Variants in MAP3K7 observed in about 807,000 individuals in gnomAD.
The protein encoded by MAP3K7 is TGF-beta activated kinase 1.
Under a neutral mutation model 84.8 loss-of-function variants are expected in MAP3K7, and 21 were observed. The ratio of observed to expected loss-of-function variants is 0.25; its 90% confidence interval spans 0.18 to 0.36. The LOEUF (loss-of-function observed/expected upper bound fraction) is 0.36. MAP3K7 is among the 10% of genes least tolerant of loss of function. The probability of loss-of-function intolerance (pLI) is 1.00; values close to 1 mark genes in which losing one functional copy is unlikely to be tolerated. For missense variants in MAP3K7, 503 were observed against 747.7 expected (o/e 0.67, Z 3.82); for synonymous variants, 241 against 247.7 (o/e 0.97, Z 0.25).
At chr6:90,553,430 C>T (rs751416349) in intron 7 of MAP3K7, 28 bp downstream of exon 7, 1 of 1,600,536 alleles carries the variant, frequency 6.2e-7, no homozygotes, top group Admixed American at 1.8e-5. Flanking sequence ...ACAAAAAGTA[C>T]TTTTAAGAAA....
intron 8 of MAP3K7, 89 bp downstream of exon 8, chr6:90,551,960 T>C (rs1776191955): frequency 7.1e-7 from 1 of 1,401,086 alleles, no homozygotes; most frequent in Non-Finnish European, 9.7e-7. Flanking sequence ...AAGCAGAATA[T>C]AGTAATAACA....
Position 90,586,935 on chromosome 6 carries a change from G to C in MAP3K7, c.-52C>G, listed in dbSNP as rs1203698861. 3 of 1,529,270 alleles carry C rather than the reference G, an allele frequency of 2.0e-6. No homozygotes were observed. The highest frequency in any genetic ancestry group is 2.2e-5 in the Admixed American group (1 of 45,098). 94.7% of individuals were successfully genotyped at this position (1,529,270 alleles called of 1,614,324 possible). A position where few individuals can be genotyped will look rare whatever the true frequency, so the allele number is the denominator to read the frequency against. ...GGGAACGGTGCCACCCGGACAATCC[G>C]GGTGAGACCCGCGCCCACCCGCCTC... is the stretch of plus-strand genomic sequence containing the variant. On this transcript the variant is annotated 5_prime_UTR_variant, in exon 1 of 17. Transcript: ENST00000369329.
intron 6 of MAP3K7, 110 bp from the exon 7 acceptor site, chr6:90,553,696 C>T (rs1776250735): frequency 1.2e-6 from 1 of 842,444 alleles, no homozygotes; most frequent in Non-Finnish European, 1.9e-6. Context: ...ATGAGGCTGT[C>T]ACATGTAGAA....
intron 1 of MAP3K7, among the ~76,000 whole-genome samples, chr6:90,575,227 G>A (rs1015441447): frequency 1.3e-5 from 2 of 152,112 alleles, no homozygotes; most frequent in African/African-American, 2.4e-5. Flanking sequence ...ATGAAAGTGC[G>A]GTAGAGAAGA....
At chr6:90,550,685 T>C in intron 8 of MAP3K7, 136 bp from the exon 9 acceptor site, 1 of 550,884 alleles carries the variant, frequency 1.8e-6, no homozygotes, top group Admixed American at 3.4e-5. Flanking sequence ...ATTACAATAA[T>C]GTACTCTTGG....
In MAP3K7 at chr6:90,547,322, G is replaced by A; in HGVS notation, c.1146C>T (p.Thr382=). The A allele has an allele frequency of 6.2e-7, 1 of 1,612,560 alleles. No homozygotes were observed. Among genetic ancestry groups the A allele is most frequent in the Non-Finnish European group, 8.5e-7 (1 of 1,179,280 alleles). The change falls in exon 11 of 17, where the codon ACC becomes ACT. Residue 382 remains threonine (T), a synonymous_variant. Transcript: ENST00000369329. ...RGSSVESLPP[T]SEGKRMSADM... Reference sequence around the variant, plus strand: ...CAGCACTCATCCTCTTGCCCTCAGAGGTTGGGGGCAAGCTCTCCACACTGC... The same window carrying A: ...CAGCACTCATCCTCTTGCCCTCAGAAGTTGGGGGCAAGCTCTCCACACTGC...
rs77563302 is a variant in MAP3K7, at chr6:90,560,223, G to C, written c.344-9C>G. On this transcript the variant is annotated splice_polypyrimidine_tract_variant and intron_variant, in intron 4 of 16. Coordinates refer to ENST00000369329, the MANE Select transcript of MAP3K7 (RefSeq NM_145331.3). ...TTCAGCACCATGCAGCACTGCGAAA[G>C]AAAGGCACAAACTAAAAAGAACTTT... 878 of 1,613,752 alleles carry C rather than the reference G, an allele frequency of 5.4e-4. 6 individuals are homozygous for C. In the African/African-American group the frequency reaches 0.01, roughly 19 times the overall value.
At chr6:90,549,363 A>G (rs969471908) in intron 9 of MAP3K7, among the ~76,000 whole-genome samples, 1 of 152,172 alleles carries the variant, frequency 6.6e-6, no homozygotes, top group African/African-American at 2.4e-5. Context: ...ATGAACTACA[A>G]TACAGTACAA....
intron 13 of MAP3K7, among the ~76,000 whole-genome samples, chr6:90,533,645 G>A (rs1004921650): frequency 1.3e-5 from 2 of 152,176 alleles, no homozygotes; most frequent in Non-Finnish European, 2.9e-5. Flanking sequence ...TTTTGTCTGT[G>A]CTTAGAAAAC....
intron 3 of MAP3K7, among the ~76,000 whole-genome samples, chr6:90,567,757 T>C (rs1776758460): frequency 6.6e-6 from 1 of 152,212 alleles, no homozygotes; most frequent in South Asian, 2.1e-4. Flanking sequence ...TAAAGACACA[T>C]GGACACGTAT....
chr6:90,518,343 T>C, intron 16 of MAP3K7, 104 bp downstream of exon 16: 1 of 653,084 alleles, frequency 1.5e-6, no homozygotes, highest in South Asian at 2.1e-5. Flanking sequence ...GTTGAAAGTA[T>C]ACTTAATGAC....
chr6:90,573,396 G>A (rs1024647840), intron 1 of MAP3K7, among the ~76,000 whole-genome samples: 2 of 151,848 alleles, frequency 1.3e-5, no homozygotes, highest in African/African-American at 4.8e-5. Context: ...AGGGCACTTT[G>A]GAGATCAAAA....
chr6:90,518,644 G>A (rs1775048673), intron 15 of MAP3K7, 82 bp from the exon 16 acceptor site: 2 of 742,158 alleles, frequency 2.7e-6, no homozygotes, highest in South Asian at 1.6e-5. Context: ...CAGAGACTGT[G>A]ATATATTTTT....
intron 3 of MAP3K7, among the ~76,000 whole-genome samples, chr6:90,567,085 T>C (rs1197646075): frequency 1.3e-5 from 2 of 152,156 alleles, no homozygotes; most frequent in Non-Finnish European, 2.9e-5. Flanking sequence ...AAGACTTAAA[T>C]GTTAGACCTA....
At chr6:90,536,218 A>T (rs1049573809) in intron 13 of MAP3K7, 119 bp downstream of exon 13, 2 of 695,124 alleles carry the variant, frequency 2.9e-6, no homozygotes, top group Admixed American at 5.2e-5. Flanking sequence ...AGGTGCAATG[A>T]ATTTCTCTAT....
chr6:90,549,239 A>G (rs916681362), intron 9 of MAP3K7, among the ~76,000 whole-genome samples: 2 of 152,138 alleles, frequency 1.3e-5, no homozygotes, highest in African/African-American at 2.4e-5. Flanking sequence ...CGATTACTCC[A>G]ATTTTCTCAG....
chr6:90,585,208 A>G (rs1777405274), intron 1 of MAP3K7, among the ~76,000 whole-genome samples: 1 of 152,228 alleles, frequency 6.6e-6, no homozygotes, highest in Non-Finnish European at 1.5e-5. Flanking sequence ...AATAAATGGC[A>G]TATCTGATAC....
chr6:90,530,442 T>A (rs1017562614), intron 13 of MAP3K7, among the ~76,000 whole-genome samples: 1 of 152,206 alleles, frequency 6.6e-6, no homozygotes, highest in African/African-American at 2.4e-5. Context: ...AATGATTCTT[T>A]GCTACACCTT....
At chr6:90,548,232 A>T in intron 9 of MAP3K7, 55 bp from the exon 10 acceptor site, 1 of 1,457,626 alleles carries the variant, frequency 6.9e-7, no homozygotes, top group East Asian at 2.3e-5. Context: ...CAAATGCTTC[A>T]CTTGGTATTA....
Sources: gnomAD v4.1 joint callset for allele counts (sites outside exome capture counted in the v4.1 genomes callset) on GRCh38, gnomAD v4.1.1 for gene constraint, MANE v1.5 for transcripts, NCBI Gene and HGNC (gene_info 2026-07-23, HGNC 2026-07-21) for gene names.